Variants in EPB41L4A observed in about 807,000 individuals in gnomAD.
EPB41L4A encodes the protein band 4.1-like protein 4A.
Under a neutral mutation model 108.6 loss-of-function variants are expected in EPB41L4A, and 100 were observed. That is an observed-to-expected ratio of 0.92 (90% CI 0.78 to 1.09). The LOEUF is 1.09. EPB41L4A is among the 50% of genes least tolerant of loss of function. The pLI is 0.00. For missense variants in EPB41L4A, 1,030 were observed against 842.7 expected, an observed-to-expected ratio of 1.22 and a Z score of -2.75; for synonymous variants, 319 against 289.0, an observed-to-expected ratio of 1.10 and a Z score of -1.05.
chr5:112,394,240 T>G (rs575349826), intron 1 of EPB41L4A, among the ~76,000 whole-genome samples: 4 of 152,170 alleles, frequency 2.6e-5, no homozygotes, highest in Admixed American at 1.3e-4. Flanking sequence ...TTCTGGCCAG[T>G]GCAATCAGGC....
rs190781331 is a variant in EPB41L4A, at chr5:112,345,362, C to G, written c.100-37872G>C. 8.9e-4 allele frequency among the ~76,000 whole-genome samples: 135 copies of G among 152,222 alleles called. No individual in the cohort carries two copies. The East Asian group carries it at 0.024, about 27-fold the overall frequency. ...GTAGTAAATATGGATAATAGATATA[C>G]AGTGGCTGTTACATACCATGTTTGA... On this transcript the variant is annotated intron_variant, in intron 1 of 22. Coordinates refer to ENST00000261486, the MANE Select transcript of EPB41L4A (RefSeq NM_022140.5).
chr5:112,228,735 A>T (rs1218292487), intron 12 of EPB41L4A: 1 of 985,372 alleles, frequency 1.0e-6, no homozygotes, highest in East Asian at 1.1e-4. Flanking sequence ...TGTCAGAGAG[A>T]GGGTTGTAAC....
At chr5:112,298,817 T>A (rs1754177765) in intron 2 of EPB41L4A, among the ~76,000 whole-genome samples, 1 of 152,192 alleles carries the variant, frequency 6.6e-6, no homozygotes, top group African/African-American at 2.4e-5. Flanking sequence ...ACCATTTCAA[T>A]CTCACTGCTT....
intron 1 of EPB41L4A, among the ~76,000 whole-genome samples, chr5:112,403,337 CAAAA>C (rs113132902): frequency 1.3e-5 from 1 of 78,678 alleles, no homozygotes. Flanking sequence ...TAATCCTCAG[CAAAA>C]AAAAAAAAAA....
chr5:112,177,579 CTCT>C (rs1760933148), intron 18 of EPB41L4A, among the ~76,000 whole-genome samples: 1 of 152,154 alleles, frequency 6.6e-6, no homozygotes, highest in Non-Finnish European at 1.5e-5. Flanking sequence ...GTTTTTCCTC[CTCT>C]TAATTTCTTT....
intron 18 of EPB41L4A, among the ~76,000 whole-genome samples, chr5:112,180,897 A>C (rs1761113108): frequency 6.6e-6 from 1 of 152,228 alleles, no homozygotes; most frequent in African/African-American, 2.4e-5. Context: ...TGGACAAAAA[A>C]TTTGAACACT....
chr5:112,409,201 C>G (rs1181628897), intron 1 of EPB41L4A, among the ~76,000 whole-genome samples: 2 of 152,108 alleles, frequency 1.3e-5, no homozygotes, highest in Admixed American at 6.5e-5. Context: ...ATCTTGAAAA[C>G]ACTATTCCAA....
At chr5:112,270,276 T>C (rs1055372956) in intron 4 of EPB41L4A, among the ~76,000 whole-genome samples, 4 of 152,020 alleles carry the variant, frequency 2.6e-5, no homozygotes, top group South Asian at 2.1e-4. Context: ...AGGGAGGAGT[T>C]TGATTTTAGG....
intron 10 of EPB41L4A, 114 bp from the exon 11 acceptor site, chr5:112,239,851 C>G (rs925370863): frequency 1.8e-6 from 1 of 545,308 alleles, no homozygotes; most frequent in South Asian, 3.0e-5. Context: ...TATAAGAATA[C>G]TTCTCCAACA....
chr5:112,328,619 G>A (rs1191863007), intron 1 of EPB41L4A, among the ~76,000 whole-genome samples: 1 of 152,164 alleles, frequency 6.6e-6, no homozygotes, highest in African/African-American at 2.4e-5. Flanking sequence ...CAAGCTCACT[G>A]ATTTAAAACA....
chr5:112,200,143 T>C (rs961928537), intron 15 of EPB41L4A, among the ~76,000 whole-genome samples: 2 of 152,240 alleles, frequency 1.3e-5, no homozygotes, highest in Non-Finnish European at 2.9e-5. Flanking sequence ...ACTGGCCTTT[T>C]TCGTTTTCAT....
At chr5:112,225,572 C>G (rs1297366348) in intron 12 of EPB41L4A, among the ~76,000 whole-genome samples, 2 of 152,162 alleles carry the variant, frequency 1.3e-5, no homozygotes, top group Non-Finnish European at 2.9e-5. Context: ...AAATAAATCT[C>G]TCTCCCACTG....
chr5:112,352,040 C>T (rs1169405170), intron 1 of EPB41L4A, among the ~76,000 whole-genome samples: 1 of 152,186 alleles, frequency 6.6e-6, no homozygotes, highest in East Asian at 1.9e-4. Context: ...CAGCTAACAT[C>T]ATACTGAATG....
At chr5:112,405,171 G>A (rs552799064) in intron 1 of EPB41L4A, among the ~76,000 whole-genome samples, 1 of 152,278 alleles carries the variant, frequency 6.6e-6, no homozygotes, top group Non-Finnish European at 1.5e-5. Flanking sequence ...ACTTTCCATG[G>A]AGGGAGGTCA....
At chr5:112,170,168 G>A (rs1760492802) in intron 20 of EPB41L4A, 133 bp downstream of exon 20, 5 of 807,502 alleles carry the variant, frequency 6.2e-6, no homozygotes, top group South Asian at 4.9e-5. Context: ...TTCCTCTTTC[G>A]CTACTGTCAC....
In EPB41L4A at chr5:112,265,001, T is replaced by TA; in HGVS notation, c.448dup (p.Tyr150LeufsTer2). The TA allele has an allele frequency of 6.3e-7, 1 of 1,592,860 alleles. No homozygotes were observed. Among genetic ancestry groups the TA allele is most frequent in the Non-Finnish European group, 8.5e-7 (1 of 1,172,480 alleles). On this transcript the variant is annotated frameshift_variant, in exon 6 of 23. Coordinates refer to ENST00000261486, the MANE Select transcript of EPB41L4A (RefSeq NM_022140.5). LOFTEE classifies it high-confidence loss of function. ...TCCTGCAGTATGTTTATATGGGTCA[T>TA]AATCTCCAAGCTCCGCTAAAAAAGA...
chr5:112,316,487 C>G (rs984018767), intron 1 of EPB41L4A, among the ~76,000 whole-genome samples: 3 of 152,066 alleles, frequency 2.0e-5, no homozygotes, highest in African/African-American at 7.2e-5. Context: ...TAACTCCTTC[C>G]CAGGGGAGGC....
intron 1 of EPB41L4A, among the ~76,000 whole-genome samples, chr5:112,415,161 C>T (rs60287854): frequency 0.03 from 4,544 of 152,042 alleles, 244 homozygotes; most frequent in African/African-American, 0.1. Flanking sequence ...TAAGCCCTCG[C>T]CTTATGCTTG....
intron 2 of EPB41L4A, among the ~76,000 whole-genome samples, chr5:112,295,693 T>G (rs1030251301): frequency 1.3e-5 from 2 of 152,252 alleles, no homozygotes; most frequent in Non-Finnish European, 2.9e-5. Flanking sequence ...CATAGTGTTA[T>G]GTATTTTTCC....
Sources: allele counts gnomAD v4.1 joint callset (sites outside exome capture counted in the v4.1 genomes callset), GRCh38; gene constraint gnomAD v4.1.1; transcripts MANE v1.5; gene names NCBI Gene and HGNC (gene_info 2026-07-23, HGNC 2026-07-21).